Variants in ESRRG observed in about 807,000 individuals in gnomAD.
ESRRG encodes estrogen related receptor gamma.
In ESRRG, 13 loss-of-function variants were observed where a neutral mutation model predicts 44.0. The ratio of observed to expected loss-of-function variants is 0.30; its 90% confidence interval spans 0.19 to 0.47. ESRRG has a LOEUF of 0.47. Ranked by LOEUF, ESRRG falls within the 20% of genes least tolerant of loss-of-function variation. The pLI is 1.00. For missense variants in ESRRG, 395 were observed against 580.6 expected (o/e 0.68, Z 3.29); for synonymous variants, 215 against 214.6 (o/e 1.00, Z -0.02).
intron 1 of ESRRG, among the ~76,000 whole-genome samples, chr1:216,972,236 G>A (rs1025728304): frequency 1.3e-5 from 2 of 152,136 alleles, no homozygotes; most frequent in Admixed American, 6.5e-5. Context: ...TGATAGGTGA[G>A]TCAAGTGGTC....
chr1:216,683,272 C>G (rs1483337598), intron 1 of ESRRG, among the ~76,000 whole-genome samples: 1 of 152,132 alleles, frequency 6.6e-6, no homozygotes, highest in African/African-American at 2.4e-5. Context: ...TGAATCCTGA[C>G]CCACACGCTC....
At chr1:216,766,223 A>G (rs1278750985) in intron 2 of ESRRG, among the ~76,000 whole-genome samples, 4 of 152,042 alleles carry the variant, frequency 2.6e-5, no homozygotes, top group African/African-American at 9.7e-5. Flanking sequence ...TGCTTAATCA[A>G]TTCTCAGCCC....
intron 2 of ESRRG, among the ~76,000 whole-genome samples, chr1:216,792,691 A>T (rs1487846179): frequency 1.3e-5 from 2 of 152,234 alleles, no homozygotes; most frequent in Non-Finnish European, 2.9e-5. Flanking sequence ...ATGCTACTTC[A>T]GTCCAGATTA....
intron 1 of ESRRG, among the ~76,000 whole-genome samples, 160 bp downstream of exon 1, chr1:216,723,084 T>C (rs943122168): frequency 3.9e-5 from 6 of 151,936 alleles, no homozygotes; most frequent in Non-Finnish European, 8.8e-5. Context: ...AATTAGGAGA[T>C]CACCCTCAAC....
rs1179600415 is a variant in ESRRG at position 217,029,070 on chromosome 1, A to G, written c.-106+60437T>C. On this transcript the variant is annotated intron_variant, in intron 1 of 7. Coordinates refer to the ESRRG transcript ENST00000359162. Reference sequence around the variant, plus strand: ...CTCTCTGAAAAACTTAAAAAAAAAAAAGAAGAAATTAATTCTAACCCTTAC... The same window carrying G: ...CTCTCTGAAAAACTTAAAAAAAAAAGAGAAGAAATTAATTCTAACCCTTAC... Among the ~76,000 whole-genome samples, 5 of 152,096 alleles carry G rather than the reference A, an allele frequency of 3.3e-5. No homozygotes were observed. In the East Asian group the frequency reaches 5.8e-4, roughly 18 times the overall value.
chr1:216,914,895 A>G (rs1220257219), intron 2 of ESRRG, among the ~76,000 whole-genome samples: 1 of 152,200 alleles, frequency 6.6e-6, no homozygotes, highest in Non-Finnish European at 1.5e-5. Context: ...TACTCCATCC[A>G]GAAGTCTCAG....
intron 1 of ESRRG, among the ~76,000 whole-genome samples, chr1:217,083,208 C>CA (rs1405448796): frequency 5.3e-5 from 8 of 151,870 alleles, no homozygotes; most frequent in South Asian, 2.1e-4. Flanking sequence ...TCTGCAAGAC[C>CA]AAAAAAACAA....
At chr1:216,963,399 C>T (rs902093380) in intron 1 of ESRRG, among the ~76,000 whole-genome samples, 2 of 151,830 alleles carry the variant, frequency 1.3e-5, no homozygotes, top group African/African-American at 4.8e-5. Flanking sequence ...TGGTGCCACC[C>T]GGGATAAAAA....
intron 1 of ESRRG, among the ~76,000 whole-genome samples, chr1:217,043,930 G>GA (rs1008630711): frequency 4.7e-4 from 64 of 137,620 alleles, no homozygotes; most frequent in African/African-American, 9.4e-4. Context: ...CTGAAGAAAA[G>GA]AAAAAAAAAA....
chr1:216,940,232 G>A (rs1481520260), intron 1 of ESRRG, among the ~76,000 whole-genome samples: 1 of 152,172 alleles, frequency 6.6e-6, no homozygotes, highest in African/African-American at 2.4e-5. Context: ...TAAACTCCAA[G>A]TGGGTTTTCA....
chr1:216,817,704 GA>G (rs1234657066), intron 2 of ESRRG, among the ~76,000 whole-genome samples: 2 of 152,122 alleles, frequency 1.3e-5, no homozygotes, highest in Non-Finnish European at 2.9e-5. Context: ...AAAACAGTAT[GA>G]AAAAAGTAAT....
At chr1:216,528,452 T>A (rs1327903850) in intron 5 of ESRRG, among the ~76,000 whole-genome samples, 1 of 152,158 alleles carries the variant, frequency 6.6e-6, no homozygotes, top group Admixed American at 6.5e-5. Context: ...TTTTTGTTAT[T>A]TATAAGTACT....
chr1:216,732,849 A>G (rs2789735), intron 2 of ESRRG, among the ~76,000 whole-genome samples: 114,141 of 134,562 alleles, frequency 0.85, 47,870 homozygotes, highest in South Asian at 0.91. Flanking sequence ...AAAAAAAAAA[A>G]GGGGGGGGAG....
intron 2 of ESRRG, among the ~76,000 whole-genome samples, chr1:216,896,433 G>A (rs920980821): frequency 3.3e-5 from 5 of 152,042 alleles, no homozygotes; most frequent in Non-Finnish European, 7.4e-5. Flanking sequence ...CACGGAAATC[G>A]AAACAAAACA....
intron 1 of ESRRG, among the ~76,000 whole-genome samples, chr1:216,707,143 C>A (rs1352688347): frequency 1.3e-5 from 2 of 152,174 alleles, no homozygotes; most frequent in African/African-American, 4.8e-5. Flanking sequence ...CCCTCAAAGT[C>A]AAACAACATA....
intron 3 of ESRRG, among the ~76,000 whole-genome samples, chr1:216,593,367 A>T (rs904923714): frequency 6.6e-6 from 1 of 152,250 alleles, no homozygotes; most frequent in Non-Finnish European, 1.5e-5. Context: ...TTACTGTTTT[A>T]ATTAAATGGA....
At chr1:217,114,839 T>A (rs573227104) in intron 1 of ESRRG, among the ~76,000 whole-genome samples, 2 of 152,050 alleles carry the variant, frequency 1.3e-5, no homozygotes, top group Admixed American at 6.5e-5. Context: ...GTATTTTTAG[T>A]AGAGATGATT....
intron 2 of ESRRG, among the ~76,000 whole-genome samples, chr1:216,780,913 T>C (rs376706818): frequency 3.9e-5 from 6 of 152,046 alleles, no homozygotes; most frequent in African/African-American, 1.4e-4. Context: ...TGTGACTCTA[T>C]TTAAAGATCA....
At chr1:216,937,325 T>C (rs956141442) in intron 2 of ESRRG, among the ~76,000 whole-genome samples, 2 of 152,136 alleles carry the variant, frequency 1.3e-5, no homozygotes, top group African/African-American at 4.8e-5. Flanking sequence ...AAAATAGGCT[T>C]GAACAATTTT....
Sources: allele counts gnomAD v4.1 joint callset (sites outside exome capture counted in the v4.1 genomes callset), GRCh38; gene constraint gnomAD v4.1.1; transcripts MANE v1.5; gene names NCBI Gene and HGNC (gene_info 2026-07-23, HGNC 2026-07-21).